The following ANO5 variants were observed in gnomAD, a reference collection of about 807,000 sequenced individuals.
ANO5 encodes the protein anoctamin 5.
Under a neutral mutation model 121.0 loss-of-function variants are expected in ANO5, and 109 were observed. That is an observed-to-expected ratio of 0.90 (90% CI 0.77 to 1.06). The LOEUF is 1.06. Ranked by LOEUF, ANO5 falls within the 50% of genes least tolerant of loss-of-function variation. ANO5 has a pLI of 0.00. For synonymous variants in ANO5, 406 were observed against 359.9 expected (o/e 1.13, Z -1.45); for missense variants, 1,064 against 1,078.5 (o/e 0.99, Z 0.19).
chr11:22,210,891 TAA>T (rs780443669), intron 2 of ANO5, among the ~76,000 whole-genome samples: 1 of 151,940 alleles, frequency 6.6e-6, no homozygotes, highest in Non-Finnish European at 1.5e-5. Context: ...TGCAGCATCA[TAA>T]AAAGATTAGA....
intron 3 of ANO5, among the ~76,000 whole-genome samples, chr11:22,215,644 T>C (rs12281778): frequency 0.011 from 1,742 of 152,080 alleles, 33 homozygotes; most frequent in African/African-American, 0.039. Context: ...CAACATGCAT[T>C]ATATTCTTTT....
intron 9 of ANO5, among the ~76,000 whole-genome samples, chr11:22,241,404 A>T (rs956691947): frequency 2.9e-4 from 44 of 151,956 alleles, no homozygotes; most frequent in Non-Finnish European, 8.8e-5. Flanking sequence ...CTTTGAGCAT[A>T]TGCCCAGTAA....
chr11:22,237,599 C>T (rs1369748667), intron 8 of ANO5, among the ~76,000 whole-genome samples: 2 of 152,006 alleles, frequency 1.3e-5, no homozygotes, highest in Non-Finnish European at 2.9e-5. Context: ...CTATGTTGGC[C>T]AGGCTGTAAT....
intron 7 of ANO5, among the ~76,000 whole-genome samples, chr11:22,228,385 A>G (rs568802498): frequency 6.6e-6 from 1 of 152,208 alleles, no homozygotes; most frequent in East Asian, 1.9e-4. Context: ...ACATAATTGT[A>G]CATATTTATG....
At chr11:22,244,529 A>G (rs370059219) in intron 9 of ANO5, among the ~76,000 whole-genome samples, 33 of 150,020 alleles carry the variant, frequency 2.2e-4, no homozygotes, top group African/African-American at 7.3e-4. Flanking sequence ...CCAATAAGTC[A>G]TAAGTTTGGT....
intron 20 of ANO5, among the ~76,000 whole-genome samples, chr11:22,275,516 C>T (rs1385664033): frequency 1.3e-5 from 2 of 151,868 alleles, no homozygotes; most frequent in South Asian, 4.1e-4. Flanking sequence ...ATGTCATTAC[C>T]CCTTAGCTGG....
intron 5 of ANO5, among the ~76,000 whole-genome samples, 183 bp downstream of exon 5, chr11:22,221,393 C>CT (rs1852647543): frequency 6.6e-6 from 1 of 151,926 alleles, no homozygotes; most frequent in African/African-American, 2.4e-5. Flanking sequence ...TCAATGTTAT[C>CT]TTTTTGGATA....
chr11:22,266,949 T>C (rs1854387980), intron 17 of ANO5, among the ~76,000 whole-genome samples: 1 of 152,230 alleles, frequency 6.6e-6, no homozygotes, highest in Non-Finnish European at 1.5e-5. Context: ...TTACTCCCAG[T>C]TGGAAACCAC....
At chr11:22,213,181 A>C (rs1449430912) in intron 3 of ANO5, among the ~76,000 whole-genome samples, 1 of 151,878 alleles carries the variant, frequency 6.6e-6, no homozygotes, top group African/African-American at 2.4e-5. Context: ...TACATTTGTA[A>C]CAATTAATGA....
intron 6 of ANO5, among the ~76,000 whole-genome samples, chr11:22,226,977 G>C (rs538309733): frequency 6.6e-6 from 1 of 151,986 alleles, no homozygotes; most frequent in African/African-American, 2.4e-5. Flanking sequence ...GCCCAGAACC[G>C]CATAGGTTAT....
intron 19 of ANO5, 118 bp from the exon 20 acceptor site, chr11:22,274,451 A>T: frequency 1.1e-6 from 1 of 927,172 alleles, no homozygotes; most frequent in Non-Finnish European, 1.6e-6. Context: ...ATGATTTATA[A>T]TAGTATTTAA....
chr11:22,214,374 T>A (rs10833720), intron 3 of ANO5, among the ~76,000 whole-genome samples: 104,918 of 151,542 alleles, frequency 0.69, 37,852 homozygotes, highest in Non-Finnish European at 0.81. Flanking sequence ...TGGTTTTTTT[T>A]AAATATATCA....
chr11:22,206,115 G>A (rs139330827), intron 2 of ANO5, among the ~76,000 whole-genome samples: 196 of 151,588 alleles, frequency 1.3e-3, no homozygotes, highest in African/African-American at 4.3e-3. Context: ...AATTCATGTC[G>A]GATCCCTACG....
intron 5 of ANO5, among the ~76,000 whole-genome samples, chr11:22,221,784 A>G (rs1852661749): frequency 6.6e-6 from 1 of 152,036 alleles, no homozygotes; most frequent in East Asian, 1.9e-4. Context: ...TAAATACTCA[A>G]TATTTGAAAT....
At chr11:22,275,677 T>C (rs574562434) in intron 20 of ANO5, among the ~76,000 whole-genome samples, 1 of 151,906 alleles carries the variant, frequency 6.6e-6, no homozygotes, top group South Asian at 2.1e-4. Flanking sequence ...TCCAAGAAGA[T>C]AGAAGTGGCC....
chr11:22,232,730 C>G (rs1399517371), intron 7 of ANO5, among the ~76,000 whole-genome samples: 2 of 151,826 alleles, frequency 1.3e-5, no homozygotes, highest in Admixed American at 1.3e-4. Context: ...CAGGTTGCAC[C>G]AATTATTGAA....
rs1185168774 is a variant in ANO5, at chr11:22,239,693, C to T, written c.878+9C>T. The stretch of plus-strand genomic sequence containing the variant: ...CCTTTAGACTTGATTAAGTAAGTTT[C>T]ATACACAGGATCAGACCAATTAAAA... On this transcript the variant is annotated intron_variant, in intron 9 of 21. Coordinates refer to ENST00000324559, the MANE Select transcript of ANO5 (RefSeq NM_213599.3). The T allele has an allele frequency of 1.9e-6, 3 of 1,562,488 alleles. No homozygotes were observed.
intron 7 of ANO5, among the ~76,000 whole-genome samples, chr11:22,235,596 T>C (rs1174769960): frequency 6.6e-6 from 1 of 152,042 alleles, no homozygotes; most frequent in Non-Finnish European, 1.5e-5. Flanking sequence ...GCAGATGAGA[T>C]TGAATTCACA....
At chr11:22,259,795 A>C (rs182752532) in intron 15 of ANO5, 54 bp downstream of exon 15, 16 of 1,516,512 alleles carry the variant, frequency 1.1e-5, no homozygotes. Flanking sequence ...TATTGATGCT[A>C]TATGTCTATT....
Sources: gnomAD v4.1 joint callset for allele counts (sites outside exome capture counted in the v4.1 genomes callset) on GRCh38, gnomAD v4.1.1 for gene constraint, MANE v1.5 for transcripts, NCBI Gene and HGNC (gene_info 2026-07-23, HGNC 2026-07-21) for gene names.